UNC5CL: variants seen among roughly 807,000 people sequenced by gnomAD.
UNC5CL encodes unc-5 family C-terminal like, also known as UNC5C-like protein.
In UNC5CL, 42 loss-of-function variants were observed where a neutral mutation model predicts 54.1. The observed-to-expected ratio is 0.78, with a 90% CI of 0.61 to 1.00. The LOEUF (loss-of-function observed/expected upper bound fraction) is 1.00, where lower values mean the gene tolerates loss of function less well. Ranked by LOEUF, UNC5CL falls within the 50% of genes least tolerant of loss-of-function variation. The pLI is 0.00. For missense variants in UNC5CL, 619 were observed against 675.6 expected (o/e 0.92, Z 0.93); for synonymous variants, 285 against 285.1 (o/e 1.00, Z 0.00).
intron 6 of UNC5CL, 82 bp downstream of exon 6, chr6:41,031,599 A>G (rs1268970246): frequency 2.2e-6 from 3 of 1,353,682 alleles, no homozygotes; most frequent in Admixed American, 1.7e-5. Flanking sequence ...GACCATAGTT[A>G]CTGGGCACCA....
intron 7 of UNC5CL, 55 bp downstream of exon 7, chr6:41,030,600 C>A: frequency 6.2e-7 from 1 of 1,607,418 alleles, no homozygotes; most frequent in Admixed American, 1.7e-5. Context: ...CCTGTGGGTG[C>A]CAGGGTAGGA....
At position 41,028,212 on chromosome 6, in the gene UNC5CL, T is replaced by C; in HGVS notation, c.*161A>G. On this transcript the variant is annotated 3_prime_UTR_variant, in exon 9 of 9. Transcript: ENST00000244565. This position sits in a 1 kb window ranked among gnomAD's most constrained non-coding sequence, Gnocchi z 4.3. ...CAGCTCGCGGCCGGAAGGGCGCGCC[T>C]GCTGCTGGGAGGCTGGCGAGGACGC... 1 of 762,516 alleles carries C rather than the reference T, an allele frequency of 1.3e-6. No homozygotes were observed. The highest frequency in any genetic ancestry group is 2.0e-6 in the Non-Finnish European group (1 of 497,860). 47.2% of individuals were successfully genotyped at this position (762,516 alleles called of 1,614,324 possible).
At chr6:41,036,721 C>G (rs1275266887) in intron 1 of UNC5CL, among the ~76,000 whole-genome samples, 1 of 123,072 alleles carries the variant, frequency 8.1e-6, no homozygotes, top group Non-Finnish European at 1.8e-5. Flanking sequence ...CAACATACAA[C>G]AAGAACAACA....
intron 1 of UNC5CL, among the ~76,000 whole-genome samples, chr6:41,035,348 A>T (rs1309667104): frequency 6.6e-6 from 1 of 152,222 alleles, no homozygotes; most frequent in Non-Finnish European, 1.5e-5. Flanking sequence ...AAGCAGAGTG[A>T]GCTTGGGTTT....
At position 41,028,925 on chromosome 6, in the gene UNC5CL, C is replaced by T. The variant is rs182019222; in HGVS notation, c.1335-330G>A. ...CTGTAATTGCCTTCTCTACCTCCCC[C>T]ACTCCAAATACACCCCTAGCCTCCC... On this transcript the variant is annotated intron_variant, in intron 8 of 8. Coordinates refer to ENST00000244565, the MANE Select transcript of UNC5CL (RefSeq NM_173561.3). The surrounding 1 kb of genome is among the most constrained non-coding windows in gnomAD (Gnocchi z 4.3). Among the ~76,000 whole-genome samples, 1 of 151,924 alleles carries T rather than the reference C, an allele frequency of 6.6e-6. No homozygotes were observed. Among genetic ancestry groups the T allele is most frequent in the Admixed American group, 6.5e-5 (1 of 15,270 alleles).
chr6:41,032,381 G>A (rs749298097), intron 4 of UNC5CL, among the ~76,000 whole-genome samples: 1 of 152,210 alleles, frequency 6.6e-6, no homozygotes, highest in Non-Finnish European at 1.5e-5. Flanking sequence ...CCCTGTCCAA[G>A]GAGTGAGTGG....
rs369820332 is a variant in UNC5CL at position 41,033,140 on chromosome 6, G to A, written c.693C>T (p.Tyr231=). 5 of 1,612,704 alleles carry A rather than the reference G, an allele frequency of 3.1e-6. No individual in the cohort carries two copies. The African/African-American group carries it at 4.0e-5, about 13-fold the overall frequency. Residue 231 remains tyrosine, a synonymous_variant, in exon 4 of 9, where the codon TAC becomes TAT. Coordinates refer to ENST00000244565, the MANE Select transcript of UNC5CL (RefSeq NM_173561.3). Reference sequence around the variant, plus strand: ...CCACAGGTGCCTCCAGCACACAGGTGTAGAGGCTGCAGAGGGAGCCAGTGG... The same window carrying A: ...CCACAGGTGCCTCCAGCACACAGGTATAGAGGCTGCAGAGGGAGCCAGTGG... The part of the protein sequence containing the change: ...CRIHLSHFSL[Y]TCVLEAPVGR...
chr6:41,033,223 C>T, intron 3 of UNC5CL, 77 bp from the exon 4 acceptor site: 1 of 1,520,346 alleles, frequency 6.6e-7, no homozygotes, highest in African/African-American at 1.4e-5. Flanking sequence ...AGCCTCCTGC[C>T]ACCTGAGGGG....
In UNC5CL at chr6:41,028,302, G is replaced by T; in HGVS notation, c.*71C>A. 1 of 1,385,786 alleles carries T rather than the reference G, an allele frequency of 7.2e-7. No homozygotes were observed. Among genetic ancestry groups the T allele is most frequent in the Non-Finnish European group, 9.7e-7 (1 of 1,034,134 alleles). 85.8% of individuals were successfully genotyped at this position (1,385,786 alleles called of 1,614,324 possible). A position where few individuals can be genotyped will look rare whatever the true frequency, so the allele number is the denominator to read the frequency against. ...GTGGGCACAGCCAGGAACAGCTGCT[G>T]TGTTCCTCTTAGGCGTAGGAGAACA... On this transcript the variant is annotated 3_prime_UTR_variant, in exon 9 of 9. Coordinates refer to ENST00000244565, the MANE Select transcript of UNC5CL (RefSeq NM_173561.3). This position sits in a 1 kb window ranked among gnomAD's most constrained non-coding sequence, Gnocchi z 4.3.
chr6:41,032,691 G>T (rs1047025585), intron 4 of UNC5CL, among the ~76,000 whole-genome samples, 193 bp downstream of exon 4: 3 of 152,154 alleles, frequency 2.0e-5, no homozygotes, highest in African/African-American at 7.2e-5. Context: ...AACCCAGGAG[G>T]CGGAGGTTGC....
In UNC5CL at chr6:41,032,145, G is replaced by A. The variant is rs906421139; in HGVS notation, c.950-8C>T. ...CATCCACATTCTCCCAACCTGGTGA[G>A]TAGGCAGACAGCAGAGGGCCTCAGA... On this transcript the variant is annotated splice_polypyrimidine_tract_variant and splice_region_variant and intron_variant, in intron 4 of 8. Transcript: ENST00000244565. 1.9e-6 allele frequency: 3 copies of A among 1,613,248 alleles called. No individual in the cohort carries two copies. The highest frequency in any genetic ancestry group is 1.7e-5 in the Admixed American group (1 of 60,004).
intron 3 of UNC5CL, chr6:41,033,507 A>G: frequency 2.0e-6 from 1 of 488,812 alleles, no homozygotes; most frequent in Non-Finnish European, 3.6e-6. Flanking sequence ...ACAGAGATGG[A>G]ATGGAGTCTT....
chr6:41,030,647 C>T lies in UNC5CL; in HGVS notation c.1220+8G>A, dbSNP rs370561468. 1,396 of 1,614,030 alleles carry T rather than the reference C, an allele frequency of 8.6e-4. 8 individuals carry two copies. Among genetic ancestry groups the T allele is most frequent in the Middle Eastern group, 6.5e-3 (39 of 6,020 alleles). On this transcript the variant is annotated splice_region_variant and intron_variant, in intron 7 of 8. Transcript: ENST00000244565. ...CCCAGGCAGCAGCCCAAGCAACCCC[C>T]GTCTCACCTATTGCATGGGGGCGGC...
Position 41,028,538 on chromosome 6 carries a change from C to G in UNC5CL, c.1392G>C (p.Gln464His), listed in dbSNP as rs746250559. ...AAAILELFEE[Q>H]NGSLQELHYL... ...AGTGCAGCTCCTGCAGGCTGCCGTT[C>G]TGCTCCTCAAACAACTCCAGGATGG... is the stretch of plus-strand genomic sequence containing the variant. The change falls in exon 9 of 9, where the codon CAG becomes CAC. Residue 464 changes from glutamine to histidine, a missense_variant. Coordinates refer to ENST00000244565, the MANE Select transcript of UNC5CL (RefSeq NM_173561.3). The surrounding 1 kb of genome is among the most constrained non-coding windows in gnomAD (Gnocchi z 4.3). The G allele has an allele frequency of 6.2e-7, 1 of 1,613,818 alleles. No individual in the cohort carries two copies. Among genetic ancestry groups the G allele is most frequent in the African/African-American group, 1.3e-5 (1 of 74,952 alleles).
chr6:41,028,695 TC>T lies in UNC5CL; in HGVS notation c.1335-101del, dbSNP rs1762418457. On this transcript the variant is annotated intron_variant, in intron 8 of 8. Transcript: ENST00000244565. The surrounding 1 kb of genome is among the most constrained non-coding windows in gnomAD (Gnocchi z 4.3). ...GCTGCGCAGCGCAAGGTCCGTCCCT[TC>T]CCCATCCTGTAGCTTTTGTCCTTGT... 8.8e-7 allele frequency: 1 copy of T among 1,131,566 alleles called. No homozygotes were observed. Among genetic ancestry groups the T allele is most frequent in the Non-Finnish European group, 1.2e-6 (1 of 800,580 alleles). 70.1% of individuals were successfully genotyped at this position (1,131,566 alleles called of 1,614,324 possible). A position where few individuals can be genotyped will look rare whatever the true frequency, so the allele number is the denominator to read the frequency against.
At chr6:41,032,186 C>T (rs1220364794) in intron 4 of UNC5CL, 49 bp from the exon 5 acceptor site, 5 of 1,510,132 alleles carry the variant, frequency 3.3e-6, no homozygotes, top group Non-Finnish European at 4.6e-6. Flanking sequence ...GGGCCTTAAA[C>T]AAGTATTGAA....
At position 41,029,538 on chromosome 6, in the gene UNC5CL, TTCATC is replaced by T. The variant is rs1375411130; in HGVS notation, c.1334+845_1334+849del. Among the ~76,000 whole-genome samples, 2 of 152,246 alleles carry T rather than the reference TTCATC, an allele frequency of 1.3e-5. No homozygotes were observed. Among genetic ancestry groups the T allele is most frequent in the East Asian group, 3.8e-4 (2 of 5,202 alleles). ...TCCTAGGCGCCGGGACCATGCCTCA[TTCATC>T]TTGTATCATAGTGCTTAGCACAGTT... On this transcript the variant is annotated intron_variant, in intron 8 of 8. Coordinates refer to ENST00000244565, the MANE Select transcript of UNC5CL (RefSeq NM_173561.3). This position sits in a 1 kb window ranked among gnomAD's most constrained non-coding sequence, Gnocchi z 4.1.
At chr6:41,038,838 C>T (rs1762550238) in intron 1 of UNC5CL, among the ~76,000 whole-genome samples, 1 of 152,206 alleles carries the variant, frequency 6.6e-6, no homozygotes, top group Non-Finnish European at 1.5e-5. Flanking sequence ...ACCTTTCCTC[C>T]ACCTCACTGG....
At chr6:41,030,044 G>T (rs916919356) in intron 8 of UNC5CL, among the ~76,000 whole-genome samples, 1 of 152,116 alleles carries the variant, frequency 6.6e-6, no homozygotes, top group African/African-American at 2.4e-5. Context: ...ATTAACAAGT[G>T]TCAGGCACCC....
Sources: gnomAD v4.1 joint callset for allele counts (sites outside exome capture counted in the v4.1 genomes callset) on GRCh38, gnomAD v4.1.1 for gene constraint, Gnocchi (gnomAD v3.1) non-coding constraint, MANE v1.5 for transcripts, NCBI Gene and HGNC (gene_info 2026-07-23, HGNC 2026-07-21) for gene names.